MEGF11: variants seen among roughly 807,000 people sequenced by gnomAD.
The protein encoded by MEGF11 is multiple EGF like domains 11, also known as multiple epidermal growth factor-like domains protein 11.
In MEGF11, 126 loss-of-function variants were observed where a neutral mutation model predicts 146.6. That is an observed-to-expected ratio of 0.86 (90% CI 0.74 to 1.00). MEGF11 has a LOEUF of 1.00. Ranked by LOEUF, MEGF11 falls within the 50% of genes least tolerant of loss-of-function variation. The probability of loss-of-function intolerance (pLI) is 0.00; values close to 1 mark genes in which losing one functional copy is unlikely to be tolerated. For missense variants in MEGF11, 1,509 were observed against 1,521.2 expected, an observed-to-expected ratio of 0.99 and a Z score of 0.13; for synonymous variants, 532 against 583.4, an observed-to-expected ratio of 0.91 and a Z score of 1.27.
intron 1 of MEGF11, among the ~76,000 whole-genome samples, chr15:66,188,846 G>A (rs185588634): frequency 6.6e-6 from 1 of 152,202 alleles, no homozygotes; most frequent in Admixed American, 6.5e-5. Flanking sequence ...AACCACATGT[G>A]CAATTTTTTT....
At chr15:66,113,871 A>C (rs1424519138) in intron 4 of MEGF11, among the ~76,000 whole-genome samples, 7 of 150,120 alleles carry the variant, frequency 4.7e-5, no homozygotes, top group African/African-American at 2.5e-5. Flanking sequence ...ACAGAGCGAA[A>C]CTCTGTCTCA....
chr15:65,986,563 A>G (rs1300530970), intron 5 of MEGF11, among the ~76,000 whole-genome samples: 2 of 152,174 alleles, frequency 1.3e-5, no homozygotes, highest in African/African-American at 4.8e-5. Context: ...AAAACACCTC[A>G]TTCTCCAGCA....
chr15:66,014,352 T>G (rs529845420), intron 5 of MEGF11, among the ~76,000 whole-genome samples: 102 of 152,208 alleles, frequency 6.7e-4, no homozygotes, highest in Non-Finnish European at 1.2e-3. Context: ...ACATTCATTT[T>G]CAGAGACACT....
At chr15:66,060,133 C>A (rs1175352203) in intron 5 of MEGF11, among the ~76,000 whole-genome samples, 1 of 151,572 alleles carries the variant, frequency 6.6e-6, no homozygotes, top group Non-Finnish European at 1.5e-5. Flanking sequence ...GGAGATGGGG[C>A]CCGGGACCGG....
intron 1 of MEGF11, among the ~76,000 whole-genome samples, chr15:66,135,217 T>C (rs2088836621): frequency 6.6e-6 from 1 of 152,174 alleles, no homozygotes; most frequent in Non-Finnish European, 1.5e-5. Flanking sequence ...CTTCTAACTC[T>C]GTACTTTTAG....
At chr15:65,944,677 C>G (rs1230789669) in intron 10 of MEGF11, among the ~76,000 whole-genome samples, 1 of 152,168 alleles carries the variant, frequency 6.6e-6, no homozygotes, top group African/African-American at 2.4e-5. Context: ...CCCTTCCTCT[C>G]TGGCTGAGAG....
intron 10 of MEGF11, among the ~76,000 whole-genome samples, chr15:65,950,040 C>T (rs569538667): frequency 5.3e-5 from 8 of 152,146 alleles, no homozygotes; most frequent in Non-Finnish European, 1.2e-4. Flanking sequence ...TCTCTCACCC[C>T]CATTTCCACC....
chr15:65,923,582 A>G (rs11638908), intron 13 of MEGF11, among the ~76,000 whole-genome samples: 19,640 of 152,218 alleles, frequency 0.13, 1,617 homozygotes, highest in Non-Finnish European at 0.19. Flanking sequence ...AGAAACCAGT[A>G]CTTTGCAAAA....
chr15:66,189,366 G>A (rs1051613413), intron 1 of MEGF11, among the ~76,000 whole-genome samples: 21 of 152,140 alleles, frequency 1.4e-4, no homozygotes, highest in African/African-American at 5.1e-4. Flanking sequence ...ACGAATGTGG[G>A]TATCACACTT....
At chr15:66,010,134 A>C (rs933367340) in intron 5 of MEGF11, among the ~76,000 whole-genome samples, 1 of 151,534 alleles carries the variant, frequency 6.6e-6, no homozygotes, top group Non-Finnish European at 1.5e-5. Context: ...GGCCACACAT[A>C]AAACACACTA....
chr15:66,125,082 G>A (rs2088270219), intron 2 of MEGF11, among the ~76,000 whole-genome samples: 1 of 152,212 alleles, frequency 6.6e-6, no homozygotes, highest in African/African-American at 2.4e-5. Context: ...GTGGGTCCAC[G>A]GTAGGCTCTC....
chr15:66,194,640 T>G (rs988270189), intron 1 of MEGF11, among the ~76,000 whole-genome samples: 1 of 125,696 alleles, frequency 8.0e-6, no homozygotes, highest in African/African-American at 3.1e-5. Context: ...AAAAGAATGA[T>G]ACAATGGACT....
At chr15:66,047,509 A>AC (rs1567217082) in intron 5 of MEGF11, among the ~76,000 whole-genome samples, 4 of 152,352 alleles carry the variant, frequency 2.6e-5, no homozygotes, top group Non-Finnish European at 5.9e-5. Context: ...CACTGGGAAT[A>AC]ATAAACACGA....
intron 5 of MEGF11, among the ~76,000 whole-genome samples, chr15:66,092,136 A>G (rs2086347664): frequency 6.6e-6 from 1 of 152,186 alleles, no homozygotes; most frequent in Non-Finnish European, 1.5e-5. Context: ...GCTAAAAGGT[A>G]GATTTCCACT....
At chr15:66,119,624 G>A (rs773257343) in intron 3 of MEGF11, among the ~76,000 whole-genome samples, 1 of 151,174 alleles carries the variant, frequency 6.6e-6, no homozygotes, top group Admixed American at 6.6e-5. Flanking sequence ...ACAGCCCCCT[G>A]AGTATTGGTC....
intron 1 of MEGF11, among the ~76,000 whole-genome samples, chr15:66,179,060 A>G (rs2090469529): frequency 7.3e-6 from 1 of 136,404 alleles, no homozygotes; most frequent in Admixed American, 7.8e-5. Flanking sequence ...CTCTCCGGAT[A>G]TCTCAAAACA....
intron 2 of MEGF11, among the ~76,000 whole-genome samples, chr15:66,126,543 A>G (rs940340915): frequency 1.5e-4 from 23 of 152,220 alleles, no homozygotes; most frequent in Non-Finnish European, 8.8e-5. Flanking sequence ...TGGGGCTCAG[A>G]CAGAGAGAGA....
At chr15:66,012,180 G>A (rs1467048702) in intron 5 of MEGF11, among the ~76,000 whole-genome samples, 2 of 152,176 alleles carry the variant, frequency 1.3e-5, no homozygotes, top group Admixed American at 6.5e-5. Context: ...GCAACATTGT[G>A]AAACCTGATC....
intron 10 of MEGF11, among the ~76,000 whole-genome samples, chr15:65,942,667 C>G (rs2080040308): frequency 1.3e-5 from 2 of 152,094 alleles, no homozygotes; most frequent in African/African-American, 4.8e-5. Context: ...CTTTGATTCC[C>G]CGTGCCTGGC....
Sources: gnomAD v4.1 joint callset for allele counts (sites outside exome capture counted in the v4.1 genomes callset) on GRCh38, gnomAD v4.1.1 for gene constraint, MANE v1.5 for transcripts, NCBI Gene and HGNC (gene_info 2026-07-23, HGNC 2026-07-21) for gene names.